Variants in XKR6 observed in about 807,000 individuals in gnomAD.
The protein encoded by XKR6 is XK-related protein 6.
A neutral mutation model predicts 56.7 loss-of-function variants in XKR6; 22 were observed. The ratio of observed to expected loss-of-function variants is 0.39; its 90% confidence interval spans 0.28 to 0.55. The LOEUF (loss-of-function observed/expected upper bound fraction) is 0.55. Ranked by LOEUF, XKR6 falls within the 20% of genes least tolerant of loss-of-function variation. The pLI is 0.66. For synonymous variants in XKR6, 524 were observed against 387.8 expected, an observed-to-expected ratio of 1.35 and a Z score of -4.13; for missense variants, 852 against 889.0, an observed-to-expected ratio of 0.96 and a Z score of 0.53.
At chr8:11,113,689 C>T (rs961715737) in intron 1 of XKR6, among the ~76,000 whole-genome samples, 1 of 152,138 alleles carries the variant, frequency 6.6e-6, no homozygotes, top group Non-Finnish European at 1.5e-5. Context: ...TCTCCAACTC[C>T]TAATGGCTCA....
intron 1 of XKR6, among the ~76,000 whole-genome samples, chr8:10,949,824 A>T (rs1413548434): frequency 1.3e-5 from 2 of 152,134 alleles, no homozygotes; most frequent in African/African-American, 2.4e-5. Flanking sequence ...GGAAGATTCC[A>T]GGAGGAGGTG....
At chr8:11,172,918 G>T (rs767868123) in intron 1 of XKR6, among the ~76,000 whole-genome samples, 10 of 152,110 alleles carry the variant, frequency 6.6e-5, no homozygotes, top group African/African-American at 9.7e-5. Context: ...TGGCAGCGGC[G>T]ACACTGTTTC....
At chr8:10,946,460 G>A (rs1409382558) in intron 1 of XKR6, among the ~76,000 whole-genome samples, 5 of 151,912 alleles carry the variant, frequency 3.3e-5, no homozygotes, top group South Asian at 2.1e-4. Context: ...GTCCTTTTTC[G>A]GCCCATAGTG....
intron 1 of XKR6, among the ~76,000 whole-genome samples, chr8:11,099,581 C>A (rs1798389571): frequency 6.6e-6 from 1 of 151,758 alleles, no homozygotes. Flanking sequence ...ACTTCTAAAT[C>A]CACATTCTTT....
At chr8:11,143,912 T>C (rs1227482917) in intron 1 of XKR6, among the ~76,000 whole-genome samples, 1 of 152,148 alleles carries the variant, frequency 6.6e-6, no homozygotes, top group African/African-American at 2.4e-5. Flanking sequence ...AAATGGGTTG[T>C]TTTCTCCTGA....
intron 1 of XKR6, among the ~76,000 whole-genome samples, chr8:11,016,303 CCGCGCCGCGAGGCAG>C (rs1309165775): frequency 6.6e-6 from 1 of 152,154 alleles, no homozygotes; most frequent in Non-Finnish European, 1.5e-5. Context: ...GGTCTGGGCT[CCGCGCCGCGAGGCAG>C]CGCGACGGCT....
At chr8:11,031,621 G>C (rs1161505675) in intron 1 of XKR6, among the ~76,000 whole-genome samples, 1 of 152,180 alleles carries the variant, frequency 6.6e-6, no homozygotes, top group Non-Finnish European at 1.5e-5. Flanking sequence ...CCTCTTAGCT[G>C]GGCCAGGGAA....
chr8:11,050,586 A>G (rs376743601), intron 1 of XKR6, among the ~76,000 whole-genome samples: 212 of 130,156 alleles, frequency 1.6e-3, no homozygotes, highest in African/African-American at 4.5e-3. Flanking sequence ...AAAAAAAAAA[A>G]AGAGAGAGAG....
At chr8:11,111,589 G>C (rs919329584) in intron 1 of XKR6, 1 of 152,104 alleles carries the variant, frequency 6.6e-6, no homozygotes, top group Admixed American at 6.5e-5. Flanking sequence ...ATAGGCATAG[G>C]AGGAATTACA....
intron 1 of XKR6, among the ~76,000 whole-genome samples, chr8:11,140,852 C>T (rs1161665416): frequency 2.7e-5 from 4 of 146,824 alleles, no homozygotes; most frequent in African/African-American, 5.1e-5. Context: ...GAGCCGAGAT[C>T]GCACTACTGG....
chr8:11,130,764 C>G (rs777502800), intron 1 of XKR6, among the ~76,000 whole-genome samples: 1 of 151,978 alleles, frequency 6.6e-6, no homozygotes, highest in African/African-American at 2.4e-5. Flanking sequence ...CGACAGATGC[C>G]ACACAGGGGG....
chr8:11,133,949 TC>T (rs1800249381), intron 1 of XKR6, among the ~76,000 whole-genome samples: 1 of 152,146 alleles, frequency 6.6e-6, no homozygotes, highest in Admixed American at 6.5e-5. Flanking sequence ...CATGAGCTGG[TC>T]TCTTATGTTT....
chr8:10,953,214 T>C (rs1801780593), intron 1 of XKR6, among the ~76,000 whole-genome samples: 1 of 152,340 alleles, frequency 6.6e-6, no homozygotes, highest in East Asian at 1.9e-4. Context: ...GGAAAAATTA[T>C]CTTCCATGAA....
At chr8:11,117,331 A>T (rs536830142) in intron 1 of XKR6, among the ~76,000 whole-genome samples, 5 of 152,282 alleles carry the variant, frequency 3.3e-5, no homozygotes, top group Admixed American at 1.3e-4. Flanking sequence ...CTCCTAACCC[A>T]GCAAAAACCA....
In XKR6 at chr8:10,970,588, C is replaced by G. The variant is rs1001488639; in HGVS notation, c.765-45758G>C. ...ATGAGGAAGACATTGAGATGTCTTC[C>G]TTTGCAAGACACAGTGTCTCAACTG... On this transcript the variant is annotated intron_variant, in intron 1 of 2. Coordinates refer to ENST00000416569, the MANE Select transcript of XKR6 (RefSeq NM_173683.4). Among the ~76,000 whole-genome samples the G allele has an allele frequency of 2.6e-5, 4 of 151,892 alleles. 1 individual carries two copies. Among genetic ancestry groups the G allele is most frequent in the Admixed American group, 6.6e-5 (1 of 15,262 alleles).
intron 1 of XKR6, among the ~76,000 whole-genome samples, chr8:11,154,222 A>G (rs1301963668): frequency 6.6e-6 from 1 of 152,234 alleles, no homozygotes. Flanking sequence ...CTCACACGAT[A>G]CCAGTAGACA....
At chr8:11,196,892 T>C (rs911053202) in intron 1 of XKR6, among the ~76,000 whole-genome samples, 2 of 152,124 alleles carry the variant, frequency 1.3e-5, no homozygotes, top group African/African-American at 2.4e-5. Flanking sequence ...TATCCCTACA[T>C]AGAGGAGCAG....
chr8:10,915,606 G>A (rs866306877), intron 2 of XKR6, among the ~76,000 whole-genome samples: 12 of 152,202 alleles, frequency 7.9e-5, no homozygotes, highest in Non-Finnish European at 1.8e-4. Context: ...GTTCAAGCCA[G>A]AGTGGTGCAG....
chr8:11,017,258 C>T (rs1031650271), intron 1 of XKR6, among the ~76,000 whole-genome samples: 1 of 152,154 alleles, frequency 6.6e-6, no homozygotes, highest in South Asian at 2.1e-4. Context: ...GATGGATATG[C>T]GTATAGATAT....
Sources: gnomAD v4.1 joint callset for allele counts (sites outside exome capture counted in the v4.1 genomes callset) on GRCh38, gnomAD v4.1.1 for gene constraint, MANE v1.5 for transcripts, NCBI Gene and HGNC (gene_info 2026-07-23, HGNC 2026-07-21) for gene names.